SMAD6: variants seen among roughly 807,000 people sequenced by gnomAD.
SMAD6 encodes the protein SMAD family member 6.
Under a neutral mutation model 39.4 loss-of-function variants are expected in SMAD6, and 103 were observed. The ratio of observed to expected loss-of-function variants is 2.62; its 90% CI spans 2.23 to 3.08. The LOEUF (loss-of-function observed/expected upper bound fraction) is 3.08, where lower values mean the gene tolerates loss of function less well. SMAD6 is among the 30% of genes most tolerant of loss of function. The pLI is 0.00. For missense variants in SMAD6, 1,104 were observed against 742.9 expected (o/e 1.49, Z -5.65); for synonymous variants, 445 against 353.3 (o/e 1.26, Z -2.91).
At chr15:66,716,967 A>C (rs974984165) in intron 3 of SMAD6, 1 of 1,288,140 alleles carries the variant, frequency 7.8e-7, no homozygotes, top group African/African-American at 1.5e-5. Context: ...CTGGCAAGTG[A>C]GGAGTTTGGC....
chr15:66,762,753 G>C (rs1273437085), intron 3 of SMAD6, among the ~76,000 whole-genome samples: 4 of 152,090 alleles, frequency 2.6e-5, no homozygotes, highest in Admixed American at 1.3e-4. Context: ...GTTGATTAAG[G>C]GTCAGCTTCA....
chr15:66,717,229 C>T lies in SMAD6; in HGVS notation c.952+731C>T, dbSNP rs1364064554. On this transcript the variant is annotated intron_variant, in intron 3 of 3. Coordinates refer to ENST00000288840, the MANE Select transcript of SMAD6 (RefSeq NM_005585.5). ...GGCTGGTGGCATGGTGGCCTGGTGG[C>T]ATGCTGGCTGGGACTGACAGCCCCT... is the stretch of plus-strand genomic sequence containing the variant. The T allele has an allele frequency of 1.9e-5, 18 of 943,676 alleles. No individual in the cohort carries two copies. In the East Asian group the frequency reaches 1.1e-3, roughly 57 times the overall value. The allele number at this position is 943,676 out of a possible 1,614,324, so 58.5% of individuals were successfully genotyped here.
intron 3 of SMAD6, among the ~76,000 whole-genome samples, chr15:66,768,733 G>A (rs893834126): frequency 6.6e-6 from 1 of 152,178 alleles, no homozygotes; most frequent in African/African-American, 2.4e-5. Context: ...AATTGCCACA[G>A]TGCCTTTTTC....
chr15:66,704,316 G>C (rs966409985), intron 1 of SMAD6: 4 of 368,426 alleles, frequency 1.1e-5, no homozygotes, highest in Admixed American at 9.3e-5. Flanking sequence ...ACATGTCGTA[G>C]TTTTCTCTGT....
intron 3 of SMAD6, among the ~76,000 whole-genome samples, chr15:66,778,204 C>T (rs754051305): frequency 1.3e-5 from 2 of 151,976 alleles, no homozygotes; most frequent in African/African-American, 2.4e-5. Context: ...TCTCAGCTTC[C>T]CAAGTAGCTG....
intron 3 of SMAD6, among the ~76,000 whole-genome samples, chr15:66,777,941 T>A (rs1174365640): frequency 6.6e-6 from 1 of 151,904 alleles, no homozygotes; most frequent in East Asian, 1.9e-4. Context: ...TAGGGTACCA[T>A]AAGGTGTGCT....
chr15:66,732,911 T>A (rs898574639), intron 3 of SMAD6, among the ~76,000 whole-genome samples: 14 of 152,124 alleles, frequency 9.2e-5, no homozygotes, highest in African/African-American at 3.4e-4. Flanking sequence ...ACAGAAATTT[T>A]TTTTTTATGT....
chr15:66,710,368 T>C (rs933363326), intron 1 of SMAD6, among the ~76,000 whole-genome samples: 1 of 152,204 alleles, frequency 6.6e-6, no homozygotes, highest in African/African-American at 2.4e-5. Context: ...TGATTCACTT[T>C]TCCTTCTCCC....
chr15:66,745,476 C>T (rs1020623822), intron 3 of SMAD6, among the ~76,000 whole-genome samples: 3 of 152,178 alleles, frequency 2.0e-5, no homozygotes, highest in Non-Finnish European at 4.4e-5. Context: ...TTCTCTTCTA[C>T]TCCTTTCCCT....
chr15:66,736,909 C>T (rs11636377), intron 3 of SMAD6, among the ~76,000 whole-genome samples: 75,898 of 152,024 alleles, frequency 0.5, 19,783 homozygotes, highest in East Asian at 0.73. Context: ...ACCTCATGAT[C>T]CACCCACCTC....
At position 66,703,236 on chromosome 15, in the gene SMAD6, C is replaced by T. The variant is rs1219037804; in HGVS notation, c.-23C>T. The T allele has an allele frequency of 7.3e-7, 1 of 1,372,794 alleles. No homozygotes were observed. The highest frequency in any genetic ancestry group is 9.5e-7 in the Non-Finnish European group (1 of 1,055,974). The allele number at this position is 1,372,794 out of a possible 1,614,324, so 85.0% of individuals were successfully genotyped here. A position where few individuals can be genotyped will look rare whatever the true frequency, so the allele number is the denominator to read the frequency against. On this transcript the variant is annotated 5_prime_UTR_variant, in exon 1 of 4. Coordinates refer to ENST00000288840, the MANE Select transcript of SMAD6 (RefSeq NM_005585.5). ...GTAACCGGAGACCGCCTCCCCCCCA[C>T]CCCTGGCGCCAAAGGATATCGTATG...
In SMAD6 at chr15:66,781,641, C is replaced by T. The variant is rs1471433365; in HGVS notation, c.*106C>T. On this transcript the variant is annotated 3_prime_UTR_variant, in exon 4 of 4. Coordinates refer to ENST00000288840, the MANE Select transcript of SMAD6 (RefSeq NM_005585.5). ...ACACAGCCCCCACGGACAAAACCCC[C>T]CAGATATCATCTACCTAGATTTAAT... is the stretch of plus-strand genomic sequence containing the variant. 1.5e-6 allele frequency: 1 copy of T among 658,330 alleles called. No homozygotes were observed. Among genetic ancestry groups the T allele is most frequent in the Non-Finnish European group, 2.4e-6 (1 of 416,756 alleles). The allele number at this position is 658,330 out of a possible 1,614,324, so 40.8% of individuals were successfully genotyped here. A position where few individuals can be genotyped will look rare whatever the true frequency, so the allele number is the denominator to read the frequency against.
At chr15:66,704,362 T>TA in intron 1 of SMAD6, 1 of 303,110 alleles carries the variant, frequency 3.3e-6, no homozygotes, top group Non-Finnish European at 6.0e-6. Flanking sequence ...TCCAACTTCA[T>TA]AGGCAGTGAA....
intron 3 of SMAD6, among the ~76,000 whole-genome samples, chr15:66,771,944 C>A (rs1405946983): frequency 6.6e-6 from 1 of 152,068 alleles, no homozygotes; most frequent in African/African-American, 2.4e-5. Context: ...GCATAGGGTA[C>A]CAGAAACAGC....
chr15:66,781,361 CGA>C lies in SMAD6; in HGVS notation c.1318_1319del (p.Asp440LeufsTer124). On this transcript the variant is annotated frameshift_variant, in exon 4 of 4. Coordinates refer to ENST00000288840, the MANE Select transcript of SMAD6 (RefSeq NM_005585.5). LOFTEE classifies it high-confidence loss of function. ...CCCCCGGCTACTCCATCAAGGTGTT[CGA>C]CTTCGAGCGCTCGGGCCTGCAGCAC... ...VPPGYSIKVF[D>X]FERSGLQHAP... The C allele has an allele frequency of 1.3e-6, 2 of 1,599,646 alleles. No homozygotes were observed. Among genetic ancestry groups the C allele is most frequent in the Non-Finnish European group, 1.7e-6 (2 of 1,175,596 alleles).
At chr15:66,778,833 G>C (rs1420402561) in intron 3 of SMAD6, among the ~76,000 whole-genome samples, 1 of 152,230 alleles carries the variant, frequency 6.6e-6, no homozygotes, top group Non-Finnish European at 1.5e-5. Context: ...TGCTAGTAGA[G>C]GTGAGATGAG....
intron 3 of SMAD6, among the ~76,000 whole-genome samples, chr15:66,725,753 A>C (rs1283005223): frequency 6.6e-6 from 1 of 152,202 alleles, no homozygotes; most frequent in Non-Finnish European, 1.5e-5. Flanking sequence ...TTTGCTGGGC[A>C]GATGTCATCA....
Position 66,703,250 on chromosome 15 carries a change from G to T in SMAD6, c.-9G>T. ...CCTCCCCCCCACCCCTGGCGCCAAA[G>T]GATATCGTATGTTCAGGTCCAAACG... On this transcript the variant is annotated 5_prime_UTR_variant, in exon 1 of 4. The change creates a new upstream start codon in the 5' untranslated region. Coordinates refer to ENST00000288840, the MANE Select transcript of SMAD6 (RefSeq NM_005585.5). 5 of 1,425,130 alleles carry T rather than the reference G, an allele frequency of 3.5e-6. No homozygotes were observed. The highest frequency in any genetic ancestry group is 3.7e-6 in the Non-Finnish European group (4 of 1,085,836). 88.3% of individuals were successfully genotyped at this position (1,425,130 alleles called of 1,614,324 possible). A position where few individuals can be genotyped will look rare whatever the true frequency, so the allele number is the denominator to read the frequency against.
chr15:66,773,910 T>C (rs1205648949), intron 3 of SMAD6, among the ~76,000 whole-genome samples: 2 of 152,138 alleles, frequency 1.3e-5, no homozygotes, highest in South Asian at 2.1e-4. Context: ...AATGAGGGGC[T>C]GAGCAGGCCC....
Sources: gnomAD v4.1 joint callset for allele counts (sites outside exome capture counted in the v4.1 genomes callset) on GRCh38, gnomAD v4.1.1 for gene constraint, MANE v1.5 for transcripts, NCBI Gene and HGNC (gene_info 2026-07-23, HGNC 2026-07-21) for gene names.